Variants in ARMC1 observed in about 807,000 individuals in gnomAD.
ARMC1 encodes the protein armadillo repeat containing 1.
A neutral mutation model predicts 31.4 loss-of-function variants in ARMC1; 16 were observed. The observed-to-expected ratio is 0.51, with a 90% CI of 0.34 to 0.77. The LOEUF is 0.77. Ranked by LOEUF, ARMC1 falls within the 30% of genes least tolerant of loss-of-function variation. The pLI, the probability that ARMC1 is intolerant of heterozygous loss-of-function variation, is 0.01. For synonymous variants in ARMC1, 114 were observed against 118.9 expected, an observed-to-expected ratio of 0.96 and a Z score of 0.27; for missense variants, 259 against 347.5, an observed-to-expected ratio of 0.75 and a Z score of 2.02.
At chr8:65,607,269 A>C (rs1005161387) in intron 4 of ARMC1, among the ~76,000 whole-genome samples, 5 of 152,246 alleles carry the variant, frequency 3.3e-5, no homozygotes, top group African/African-American at 1.2e-4. Context: ...ACTGGTGCCA[A>C]ATAGCACCAT....
chr8:65,611,223 C>T lies in ARMC1; in HGVS notation c.465+2021G>A, dbSNP rs1267583929. On this transcript the variant is annotated intron_variant, in intron 4 of 6. Transcript: ENST00000276569. ...TGCTGGCATTACCGGCGTAAGCCAC[C>T]ATGCCCGGCCCTCACTTACCCTTTT... Among the ~76,000 whole-genome samples the T allele has an allele frequency of 2.6e-5, 4 of 152,188 alleles. No individual in the cohort carries two copies. The South Asian group carries it at 6.2e-4, about 24-fold the overall frequency.
Position 65,605,320 on chromosome 8 carries a change from T to A in ARMC1, c.600A>T (p.Ile200=). Residue 200 remains isoleucine, a synonymous_variant, in exon 6 of 7, where the codon ATA becomes ATT. Coordinates refer to ENST00000276569, the MANE Select transcript of ARMC1 (RefSeq NM_018120.6). ...DLKAEALASA[I]ASTKVMKAQQ... ...GAGCTTTCATAACCTTGGTTGATGC[T>A]ATTGCTGATGCCAAAGCCTAAGCCA... The A allele has an allele frequency of 1.9e-6, 3 of 1,614,006 alleles. No homozygotes were observed. Among genetic ancestry groups the A allele is most frequent in the Non-Finnish European group, 2.5e-6 (3 of 1,179,980 alleles).
intron 6 of ARMC1, 51 bp from the exon 7 acceptor site, chr8:65,604,636 T>G (rs945664323): frequency 6.5e-7 from 1 of 1,529,480 alleles, no homozygotes; most frequent in African/African-American, 1.4e-5. Flanking sequence ...TACTCCTTAT[T>G]CTAATTACCG....
intron 1 of ARMC1, among the ~76,000 whole-genome samples, chr8:65,628,204 A>G (rs2129044213): frequency 6.6e-6 from 1 of 152,104 alleles, no homozygotes; most frequent in East Asian, 1.9e-4. Flanking sequence ...ACTATTTCCT[A>G]AACTCATCAG....
In ARMC1 at chr8:65,604,260, A is replaced by G; in HGVS notation, c.*134T>C. 1 of 745,362 alleles carries G rather than the reference A, an allele frequency of 1.3e-6. No individual in the cohort carries two copies. The highest frequency in any genetic ancestry group is 2.1e-6 in the Non-Finnish European group (1 of 469,958). The allele number at this position is 745,362 out of a possible 1,614,324, so 46.2% of individuals were successfully genotyped here. A position where few individuals can be genotyped will look rare whatever the true frequency, so the allele number is the denominator to read the frequency against. On this transcript the variant is annotated 3_prime_UTR_variant, in exon 7 of 7. Coordinates refer to ENST00000276569, the MANE Select transcript of ARMC1 (RefSeq NM_018120.6). ...GGGTAAAATGTCCAATAAAACGTGA[A>G]ATGCAGCATATGCGATCGTGTAATC...
intron 4 of ARMC1, among the ~76,000 whole-genome samples, chr8:65,611,819 GCTGGAGT>G (rs981700519): frequency 1.3e-5 from 2 of 151,066 alleles, no homozygotes; most frequent in African/African-American, 4.9e-5. Context: ...TGTCACTCAG[GCTGGAGT>G]GCAGTGGCGT....
Position 65,613,331 on chromosome 8 carries a change from T to C in ARMC1, c.378A>G (p.Ser126=). The change falls in exon 4 of 7, where the codon TCA becomes TCG. Residue 126 remains serine, a synonymous_variant. Transcript: ENST00000276569. The stretch of plus-strand genomic sequence containing the variant: ...GAAAAAATTGAGCTTTCCTTCGACG[T>C]GAATTCATCTCATTAAAACTATCAC... ...ADGDSFNEMN[S]RRRKAQFFLG... The C allele has an allele frequency of 6.2e-7, 1 of 1,612,946 alleles. No individual in the cohort carries two copies. Among genetic ancestry groups the C allele is most frequent in the Non-Finnish European group, 8.5e-7 (1 of 1,179,616 alleles).
rs529874401 is a variant in ARMC1, at chr8:65,622,937, C to T, written c.184-583G>A. 9.0e-4 allele frequency among the ~76,000 whole-genome samples: 134 copies of T among 149,466 alleles called. 2 individuals carry two copies. The highest frequency in any genetic ancestry group is 1.3e-3 in the Non-Finnish European group (85 of 67,646). On this transcript the variant is annotated intron_variant, in intron 2 of 6. Coordinates refer to ENST00000276569, the MANE Select transcript of ARMC1 (RefSeq NM_018120.6). The stretch of plus-strand genomic sequence containing the variant: ...AGCAGAATTGCTTGAACACGGGAGG[C>T]GGAGGTTGCAGTGAGCTGAGATCAC...
intron 4 of ARMC1, among the ~76,000 whole-genome samples, chr8:65,610,444 C>T (rs1808110585): frequency 1.2e-3 from 1 of 840 alleles, no homozygotes; most frequent in African/African-American, 6.1e-3. Context: ...GCCTGTAATC[C>T]CAACACTTTG....
chr8:65,608,938 T>C (rs567828605), intron 4 of ARMC1, among the ~76,000 whole-genome samples: 2 of 151,902 alleles, frequency 1.3e-5, no homozygotes, highest in Non-Finnish European at 2.9e-5. Flanking sequence ...AAAGAAGATA[T>C]ACATCTCTCT....
chr8:65,610,690 C>T (rs935726138), intron 4 of ARMC1, among the ~76,000 whole-genome samples: 3 of 151,356 alleles, frequency 2.0e-5, no homozygotes, highest in Admixed American at 6.6e-5. Flanking sequence ...AGCAAAACCC[C>T]GTCTCAAAAA....
At chr8:65,616,666 G>A (rs888566325) in intron 3 of ARMC1, among the ~76,000 whole-genome samples, 16 of 151,732 alleles carry the variant, frequency 1.1e-4, no homozygotes, top group African/African-American at 1.9e-4. Context: ...CTTCCCGGCC[G>A]CCATCACGTC....
chr8:65,607,464 C>G (rs1808029892), intron 4 of ARMC1, among the ~76,000 whole-genome samples: 1 of 152,192 alleles, frequency 6.6e-6, no homozygotes, highest in Admixed American at 6.5e-5. Flanking sequence ...CAACCACATG[C>G]AACAGTGAGA....
chr8:65,614,983 G>A (rs1273195751), intron 3 of ARMC1, among the ~76,000 whole-genome samples: 1 of 152,124 alleles, frequency 6.6e-6, no homozygotes, highest in East Asian at 1.9e-4. Flanking sequence ...TTTAAGAGGA[G>A]GAAGGTATCC....
rs1808712301 is a variant in ARMC1, at chr8:65,634,077, CG to C, written c.-116del. 1 of 152,388 alleles carries C rather than the reference CG, an allele frequency of 6.6e-6. No individual in the cohort carries two copies. The highest frequency in any genetic ancestry group is 1.5e-5 in the Non-Finnish European group (1 of 68,148). The allele number at this position is 152,388 out of a possible 1,614,324, so 9.4% of individuals were successfully genotyped here. On this transcript the variant is annotated 5_prime_UTR_variant, in exon 1 of 7. Transcript: ENST00000276569. Reference sequence around the variant, plus strand: ...GGATGAGGTAGAGACCCAGGCGGCGCGGAGCGAGCCCTTCGGTTCGCAGCCC... The same window carrying C: ...GGATGAGGTAGAGACCCAGGCGGCGCGAGCGAGCCCTTCGGTTCGCAGCCC...
intron 4 of ARMC1, among the ~76,000 whole-genome samples, chr8:65,613,009 T>G (rs1808175508): frequency 6.6e-6 from 1 of 152,250 alleles, no homozygotes; most frequent in Non-Finnish European, 1.5e-5. Flanking sequence ...TGTGGATTTT[T>G]CTATTTCTCC....
Position 65,604,501 on chromosome 8 carries a change from T to A in ARMC1, c.742A>T (p.Thr248Ser). Residue 248 changes from threonine to serine, a missense_variant, in exon 7 of 7, where the codon ACA becomes TCA. Thr to Ser is a moderately conservative substitution (Grantham distance 58, BLOSUM62 1). This residue lies in a region of ARMC1 where 73 missense variants were observed against 100.0 expected (regional missense o/e 0.73). Transcript: ENST00000276569. ...GACACCGCTTTGTCCTGTTCCTTTG[T>A]GGGACTCTCATCCTCAGGCAGGTAG... The part of the protein sequence containing the change: ...PDYLPEDESP[T>S]KEQDKAVSRV... 6.2e-7 allele frequency: 1 copy of A among 1,614,186 alleles called. No individual in the cohort carries two copies. Among genetic ancestry groups the A allele is most frequent in the Non-Finnish European group, 8.5e-7 (1 of 1,180,036 alleles).
At chr8:65,616,246 C>T (rs918585895) in intron 3 of ARMC1, among the ~76,000 whole-genome samples, 5 of 152,216 alleles carry the variant, frequency 3.3e-5, no homozygotes, top group Admixed American at 1.3e-4. Flanking sequence ...GATTCTCCTG[C>T]CTCAGCCTGC....
At chr8:65,616,305 G>C (rs376377491) in intron 3 of ARMC1, among the ~76,000 whole-genome samples, 2 of 152,166 alleles carry the variant, frequency 1.3e-5, no homozygotes, top group African/African-American at 4.8e-5. Context: ...ACTGGTTTTC[G>C]TATTTTTTTG....
Sources: allele counts gnomAD v4.1 joint callset (sites outside exome capture counted in the v4.1 genomes callset), GRCh38; gene constraint gnomAD v4.1.1; regional missense constraint gnomAD v4.1.1; transcripts MANE v1.5; gene names NCBI Gene and HGNC (gene_info 2026-07-23, HGNC 2026-07-21).